The following SP140 variants were observed in gnomAD, a reference collection of about 807,000 sequenced individuals.
SP140 encodes SP140 nuclear body protein, also known as nuclear body protein SP140.
SP140 carries 81 observed loss-of-function variants against 125.0 expected under a neutral mutation model. The observed-to-expected ratio is 0.65, with a 90% CI of 0.54 to 0.78. The LOEUF (loss-of-function observed/expected upper bound fraction) is 0.78. SP140 is among the 30% of genes least tolerant of loss of function. The pLI is 0.00. For synonymous variants in SP140, 312 were observed against 354.0 expected (o/e 0.88, Z 1.33); for missense variants, 858 against 1,037.0 (o/e 0.83, Z 2.37).
chr2:230,255,369 C>T (rs2051006051), intron 11 of SP140, 83 bp from the exon 12 acceptor site: 5 of 1,516,628 alleles, frequency 3.3e-6, no homozygotes. Flanking sequence ...CTTCAGCTTT[C>T]CACATCTTCA....
At chr2:230,190,974 C>T in the SP140 span, among the ~76,000 whole-genome samples, 92 of 152,032 alleles carry the variant, frequency 6.1e-4, no homozygotes, top group Non-Finnish European at 1.1e-3. Flanking sequence ...TCGTATTGTT[C>T]AAAGTCAGGT....
chr2:230,298,713 C>T (rs1483492081), intron 22 of SP140, among the ~76,000 whole-genome samples: 1 of 152,158 alleles, frequency 6.6e-6, no homozygotes, highest in African/African-American at 2.4e-5. Flanking sequence ...CTCATATTGT[C>T]CTGCAGCCTG....
the SP140 span, among the ~76,000 whole-genome samples, chr2:230,190,142 A>G: frequency 1.3e-5 from 2 of 152,174 alleles, no homozygotes; most frequent in African/African-American, 2.4e-5. Flanking sequence ...GTCTTCCACA[A>G]TGGTTGAACT....
chr2:230,279,543 G>A (rs904199742), intron 15 of SP140, among the ~76,000 whole-genome samples: 5 of 152,060 alleles, frequency 3.3e-5, no homozygotes, highest in African/African-American at 1.2e-4. Context: ...CTTTGATAAG[G>A]ACAACAATTA....
chr2:230,259,793 T>TATAC (rs2051902716), intron 12 of SP140, among the ~76,000 whole-genome samples: 1 of 112,572 alleles, frequency 8.9e-6, no homozygotes, highest in African/African-American at 3.3e-5. Context: ...TATATATATA[T>TATAC]ATACCACATA....
the SP140 span, among the ~76,000 whole-genome samples, chr2:230,189,420 G>A: frequency 9.9e-5 from 15 of 151,930 alleles, no homozygotes; most frequent in African/African-American, 2.7e-4. Flanking sequence ...TCTAATTTCC[G>A]TCTTAATTTC....
chr2:230,270,084 G>T, intron 14 of SP140, 131 bp downstream of exon 14: 1 of 650,350 alleles, frequency 1.5e-6, no homozygotes, highest in Non-Finnish European at 2.8e-6. Context: ...AGCCTTTGGG[G>T]AGCTGCAGGG....
At chr2:230,269,501 C>G in intron 12 of SP140, 31 bp from the exon 13 acceptor site, 1 of 1,363,194 alleles carries the variant, frequency 7.3e-7, no homozygotes, top group East Asian at 2.3e-5. Context: ...TCTCAGGATC[C>G]TTGGACAATA....
chr2:230,214,961 CT>C, intron 3 of SP140: 1 of 1,613,958 alleles, frequency 6.2e-7, no homozygotes, highest in Non-Finnish European at 8.5e-7. Flanking sequence ...ACGTTTGAAG[CT>C]TCTGTAAATC....
chr2:230,216,759 G>A (rs914286037), intron 3 of SP140: 2 of 1,613,180 alleles, frequency 1.2e-6, no homozygotes, highest in African/African-American at 2.7e-5. Flanking sequence ...GGGCTGCCAT[G>A]GAAGGGTTCA....
rs1441620017 is a variant in SP140 at position 230,212,881 on chromosome 2, T to C, written c.-322-773T>C. On this transcript the variant is annotated intron_variant, in intron 1 of 4. Transcript: ENST00000456542. The stretch of plus-strand genomic sequence containing the variant: ...GAGGATGTTCCAGGCTCACTGACTC[T>C]TGGCGCACAGGGTGAACAGCTTGGT... 3 of 1,614,114 alleles carry C rather than the reference T, an allele frequency of 1.9e-6. No homozygotes were observed. The East Asian group carries it at 6.7e-5, about 36-fold the overall frequency.
chr2:230,259,662 G>A lies in SP140; in HGVS notation c.1240+4130G>A, dbSNP rs183481244. 2.0e-5 allele frequency among the ~76,000 whole-genome samples: 3 copies of A among 151,134 alleles called. No homozygotes were observed. In the East Asian group the frequency reaches 5.8e-4, roughly 29 times the overall value. On this transcript the variant is annotated intron_variant, in intron 12 of 26. Coordinates refer to ENST00000392045, the MANE Select transcript of SP140 (RefSeq NM_007237.5). ...AGATCACACCACTGCACTCCAGCCT[G>A]GGTGACAGAACGAGACTCCATCTCA...
chr2:230,191,138 G>T, the SP140 span, among the ~76,000 whole-genome samples: 1 of 152,098 alleles, frequency 6.6e-6, no homozygotes, highest in Non-Finnish European at 1.5e-5. Flanking sequence ...CACAGCTAAA[G>T]CAGTGTTAAG....
chr2:230,293,017 A>G (rs918539527), intron 20 of SP140, among the ~76,000 whole-genome samples: 5 of 152,178 alleles, frequency 3.3e-5, no homozygotes, highest in Admixed American at 6.5e-5. Flanking sequence ...TGGAGGAGGA[A>G]AGGGTCATTC....
At chr2:230,265,187 G>A (rs1157637541) in intron 12 of SP140, among the ~76,000 whole-genome samples, 2 of 152,114 alleles carry the variant, frequency 1.3e-5, no homozygotes, top group Non-Finnish European at 2.9e-5. Flanking sequence ...CACTGGAGTT[G>A]TGTACCTGGG....
intron 5 of SP140, among the ~76,000 whole-genome samples, chr2:230,244,461 G>A (rs2049133821): frequency 6.6e-6 from 1 of 152,200 alleles, no homozygotes; most frequent in Admixed American, 6.5e-5. Flanking sequence ...CAGGGTCATG[G>A]ATTGGAGTTC....
intron 22 of SP140, among the ~76,000 whole-genome samples, chr2:230,304,580 GAAGA>G (rs978882116): frequency 1.1e-4 from 16 of 152,310 alleles, no homozygotes; most frequent in African/African-American, 3.6e-4. Flanking sequence ...CAATGGAACA[GAAGA>G]AAGGACCCAG....
chr2:230,272,792 CA>C (rs1423508922), intron 15 of SP140, among the ~76,000 whole-genome samples: 1 of 152,128 alleles, frequency 6.6e-6, no homozygotes, highest in African/African-American at 2.4e-5. Context: ...TAAGACCAAA[CA>C]CCTACAACTA....
Position 230,245,879 on chromosome 2 carries a change from T to G in SP140, c.681T>G (p.Ala227=). ...LPGGGVSCKL[A]IQIDEGESEE... is the part of the protein sequence containing the mutation. ...ACTCTGCAGTGTCCTGTAAACTTGC[T>G]ATACAAATAGATGAAGGAGAATCAG... The change falls in exon 7 of 27, where the codon GCT becomes GCG. Residue 227 remains alanine (A), a synonymous_variant. Transcript: ENST00000392045. 6.2e-7 allele frequency: 1 copy of G among 1,606,484 alleles called. No individual in the cohort carries two copies. The highest frequency in any genetic ancestry group is 1.1e-5 in the South Asian group (1 of 90,948).
Sources: gnomAD v4.1 joint callset for allele counts (sites outside exome capture counted in the v4.1 genomes callset) on GRCh38, gnomAD v4.1.1 for gene constraint, MANE v1.5 for transcripts, NCBI Gene and HGNC (gene_info 2026-07-23, HGNC 2026-07-21) for gene names.